Variants in EML1 observed in about 807,000 individuals in gnomAD.
The protein encoded by EML1 is echinoderm microtubule-associated protein-like 1.
A neutral mutation model predicts 110.4 loss-of-function variants in EML1; 27 were observed. That is an observed-to-expected ratio of 0.24 (90% CI 0.18 to 0.34). EML1 has a LOEUF of 0.34. EML1 is among the 10% of genes least tolerant of loss of function. The probability of loss-of-function intolerance (pLI) is 1.00; values close to 1 mark genes in which losing one functional copy is unlikely to be tolerated. For synonymous variants in EML1, 344 were observed against 385.8 expected, an observed-to-expected ratio of 0.89 and a Z score of 1.27; for missense variants, 741 against 1,030.9, an observed-to-expected ratio of 0.72 and a Z score of 3.85.
intron 3 of EML1, among the ~76,000 whole-genome samples, chr14:99,872,448 A>G (rs1304675358): frequency 1.3e-5 from 2 of 152,226 alleles, no homozygotes; most frequent in African/African-American, 4.8e-5. Flanking sequence ...AGGCCTCTGT[A>G]GACTTTTCCT....
chr14:99,788,794 C>T (rs773606219), upstream of EML1, among the ~76,000 whole-genome samples: 4 of 152,140 alleles, frequency 2.6e-5, no homozygotes, highest in Non-Finnish European at 5.9e-5. Flanking sequence ...GGAAACTTTG[C>T]GCCCATTAAG....
At position 99,837,445 on chromosome 14, in the gene EML1, C is replaced by G. The variant is rs1361986842; in HGVS notation, c.68-13408C>G. ...GGTAATCTAATCACTGTTACTCCAT[C>G]TTGGCTGGAAGCAGAAGTTGATGGC... On this transcript the variant is annotated intron_variant, in intron 1 of 21. Transcript: ENST00000262233. Among the ~76,000 whole-genome samples the G allele has an allele frequency of 2.0e-5, 3 of 152,188 alleles. No homozygotes were observed. The East Asian group carries it at 5.8e-4, about 29-fold the overall frequency.
chr14:99,855,871 C>T (rs2058894108), intron 2 of EML1, among the ~76,000 whole-genome samples: 1 of 152,146 alleles, frequency 6.6e-6, no homozygotes, highest in African/African-American at 2.4e-5. Context: ...CCTGTCATTC[C>T]AAGACATCAA....
intron 1 of EML1, among the ~76,000 whole-genome samples, chr14:99,754,948 G>A (rs926079192): frequency 6.6e-6 from 1 of 152,236 alleles, no homozygotes; most frequent in Non-Finnish European, 1.5e-5. Context: ...GGGACAGGTG[G>A]CCGTGAGGAA....
At chr14:99,774,700 T>G (rs1291929355) in intron 1 of EML1, among the ~76,000 whole-genome samples, 1 of 152,178 alleles carries the variant, frequency 6.6e-6, no homozygotes, top group Non-Finnish European at 1.5e-5. Context: ...TGCCTGCTGG[T>G]GAGGGCCATG....
intron 1 of EML1, among the ~76,000 whole-genome samples, chr14:99,752,103 C>T (rs961734944): frequency 5.3e-5 from 8 of 152,172 alleles, no homozygotes; most frequent in African/African-American, 1.4e-4. Context: ...ATCGCCCCAC[C>T]GCGCAGGGCT....
At chr14:99,906,355 TG>T (rs2059846238) in intron 9 of EML1, among the ~76,000 whole-genome samples, 1 of 152,228 alleles carries the variant, frequency 6.6e-6, no homozygotes, top group African/African-American at 2.4e-5. Context: ...CCCCGAGGGC[TG>T]CTGGTTGCCT....
chr14:99,866,350 C>G (rs138395770), intron 3 of EML1, among the ~76,000 whole-genome samples: 1,642 of 152,180 alleles, frequency 0.011, 33 homozygotes, highest in African/African-American at 0.038. Context: ...GCGGGCAGAT[C>G]ATCTGTGGTC....
intron 8 of EML1, among the ~76,000 whole-genome samples, chr14:99,899,133 T>C (rs1458220368): frequency 6.6e-6 from 1 of 152,182 alleles, no homozygotes; most frequent in African/African-American, 2.4e-5. Flanking sequence ...GAGAGGGAGC[T>C]TGTAGCTTTT....
In EML1 at chr14:99,907,716, A is replaced by C; in HGVS notation, c.1087A>C (p.Lys363Gln). 6.2e-7 allele frequency: 1 copy of C among 1,614,190 alleles called. No individual in the cohort carries two copies. Among genetic ancestry groups the C allele is most frequent in the South Asian group, 1.1e-5 (1 of 91,084 alleles). Residue 363 changes from lysine to glutamine, a missense_variant, in exon 10 of 22, where the codon AAA (lysine) becomes CAA (glutamine). Physicochemically the swap from Lys to Gln is moderately conservative, Grantham distance 53. Coordinates refer to ENST00000262233, the MANE Select transcript of EML1 (RefSeq NM_004434.3). ...TGTATGGGACTGGCAGAAAGAAGAA[A>C]AACTAGCAGATGTGAAGGTCATGCT... Reference protein sequence around the residue: ...LSVWDWQKEEKLADVKCSNEA... With the variant: ...LSVWDWQKEEQLADVKCSNEA...
At chr14:99,815,885 G>A (rs543290856) in intron 1 of EML1, among the ~76,000 whole-genome samples, 5 of 152,258 alleles carry the variant, frequency 3.3e-5, no homozygotes, top group Admixed American at 6.5e-5. Flanking sequence ...GGTAAAGGGC[G>A]GCTCCTGGAA....
intron 17 of EML1, among the ~76,000 whole-genome samples, chr14:99,933,201 C>T (rs2060404789): frequency 6.6e-6 from 1 of 152,002 alleles, no homozygotes; most frequent in African/African-American, 2.4e-5. Context: ...TTTGAGATGG[C>T]GTGTCGCTCT....
chr14:99,778,130 A>T (rs2057502944), intron 1 of EML1, among the ~76,000 whole-genome samples: 1 of 152,152 alleles, frequency 6.6e-6, no homozygotes, highest in African/African-American at 2.4e-5. Flanking sequence ...TAATCTGTTA[A>T]TGTCCTGCCA....
At chr14:99,917,736 G>A (rs760987107) in intron 15 of EML1, 46 bp from the exon 16 acceptor site, 8 of 1,593,232 alleles carry the variant, frequency 5.0e-6, no homozygotes, top group Non-Finnish European at 6.9e-6. Flanking sequence ...TTATGCTATA[G>A]TGTTCTATCT....
chr14:99,921,350 C>G (rs1307671093), intron 17 of EML1, among the ~76,000 whole-genome samples: 5 of 152,130 alleles, frequency 3.3e-5, no homozygotes, highest in African/African-American at 1.2e-4. Context: ...GATTCTGTGT[C>G]TTTGCTATTG....
upstream of EML1, among the ~76,000 whole-genome samples, chr14:99,768,457 G>C (rs1022378934): frequency 3.3e-5 from 5 of 152,226 alleles, no homozygotes; most frequent in East Asian, 9.7e-4. Context: ...AGGAACTCGG[G>C]CACAGGCGCA....
intron 1 of EML1, among the ~76,000 whole-genome samples, chr14:99,747,793 G>A (rs531633003): frequency 6.6e-5 from 10 of 152,294 alleles, no homozygotes; most frequent in Middle Eastern, 3.4e-3. Context: ...CTGGCCACAC[G>A]GGGACTTGGT....
chr14:99,742,257 GT>G (rs1274675023), intron 1 of EML1, among the ~76,000 whole-genome samples: 1 of 152,222 alleles, frequency 6.6e-6, no homozygotes, highest in Non-Finnish European at 1.5e-5. Flanking sequence ...GCAAGAGGTG[GT>G]TTTATGTGAC....
Position 99,905,939 on chromosome 14 carries a change from AC to A in EML1, c.1009-1696del, listed in dbSNP as rs1485891548. Among the ~76,000 whole-genome samples, 6 of 151,888 alleles carry A rather than the reference AC, an allele frequency of 4.0e-5. No individual in the cohort carries two copies. The highest frequency in any genetic ancestry group is 3.9e-4 in the Admixed American group (6 of 15,248). ...TTGCCCAGGTGTGTGCCCCCCCCTT[AC>A]CCAAAATCAGCCATTCGGTGTGTAC... On this transcript the variant is annotated intron_variant, in intron 9 of 21. Transcript: ENST00000262233. This position sits in a 1 kb window ranked among gnomAD's most constrained non-coding sequence, Gnocchi z 4.1.
Sources: gnomAD v4.1 joint callset for allele counts (sites outside exome capture counted in the v4.1 genomes callset) on GRCh38, gnomAD v4.1.1 for gene constraint, Gnocchi (gnomAD v3.1) non-coding constraint, MANE v1.5 for transcripts, NCBI Gene and HGNC (gene_info 2026-07-23, HGNC 2026-07-21) for gene names.